Variants in ATG3 observed in about 807,000 individuals in gnomAD.
The protein encoded by ATG3 is autophagy related 3.
A neutral mutation model predicts 50.7 loss-of-function variants in ATG3; 25 were observed. The observed-to-expected ratio is 0.49, with a 90% CI of 0.36 to 0.69. The LOEUF is 0.69. Ranked by LOEUF, ATG3 falls within the 30% of genes least tolerant of loss-of-function variation. ATG3 has a pLI of 0.00. For missense variants in ATG3, 281 were observed against 376.0 expected (o/e 0.75, Z 2.09); for synonymous variants, 119 against 125.5 (o/e 0.95, Z 0.34).
intron 1 of ATG3, among the ~76,000 whole-genome samples, chr3:112,561,184 C>G (rs1933857323): frequency 6.6e-6 from 1 of 152,220 alleles, no homozygotes; most frequent in African/African-American, 2.4e-5. Context: ...TCCGAACACC[C>G]TTCCAACCCG....
At chr3:112,549,591 C>T (rs1394391819) in intron 4 of ATG3, among the ~76,000 whole-genome samples, 1 of 152,006 alleles carries the variant, frequency 6.6e-6, no homozygotes, top group African/African-American at 2.4e-5. Flanking sequence ...GGCAGGTCAC[C>T]TGAGGTCAGG....
At chr3:112,552,797 C>A (rs1388902875) in intron 3 of ATG3, among the ~76,000 whole-genome samples, 3 of 151,810 alleles carry the variant, frequency 2.0e-5, no homozygotes, top group African/African-American at 7.3e-5. Context: ...ACCACAGACG[C>A]CTGCCACCAT....
Position 112,558,343 on chromosome 3 carries a change from A to G in ATG3, c.114+33T>C, listed in dbSNP as rs183231012. The G allele has an allele frequency of 7.5e-4, 1,142 of 1,528,072 alleles. 1 individual carries two copies. The highest frequency in any genetic ancestry group is 9.6e-4 in the Non-Finnish European group (1,076 of 1,119,286). The allele number at this position is 1,528,072 out of a possible 1,614,324, so 94.7% of individuals were successfully genotyped here. A position where few individuals can be genotyped will look rare whatever the true frequency, so the allele number is the denominator to read the frequency against. On this transcript the variant is annotated intron_variant, in intron 2 of 11. Coordinates refer to ENST00000283290, the MANE Select transcript of ATG3 (RefSeq NM_022488.5). The stretch of plus-strand genomic sequence containing the variant: ...CCACCTAGTTTAGTATTATTGTAAA[A>G]TAAAAAGACTTCAGTATATCTTCAG...
At chr3:112,542,426 T>C (rs1318215336) in intron 6 of ATG3, among the ~76,000 whole-genome samples, 2 of 152,122 alleles carry the variant, frequency 1.3e-5, no homozygotes, top group African/African-American at 4.8e-5. Flanking sequence ...AGAATATTGA[T>C]GGACAGGTTT....
At chr3:112,550,379 G>T in intron 3 of ATG3, 117 bp from the exon 4 acceptor site, 1 of 836,112 alleles carries the variant, frequency 1.2e-6, no homozygotes, top group Non-Finnish European at 1.8e-6. Context: ...CAGAAAATTG[G>T]TTTAAAATTG....
Position 112,536,502 on chromosome 3 carries a change from G to C in ATG3, c.767C>G (p.Pro256Arg), listed in dbSNP as rs1933052666. The C allele has an allele frequency of 6.2e-7, 1 of 1,613,808 alleles. No homozygotes were observed. The highest frequency in any genetic ancestry group is 8.5e-7 in the Non-Finnish European group (1 of 1,179,732). The change falls in exon 10 of 12, where the codon CCT becomes CGT. Residue 256 changes from proline (P) to arginine (R), a missense_variant. By Grantham distance (103) the Pro-to-Arg change is moderately radical. Transcript: ENST00000283290. ...TIENHPHLPP[P>R]PMCSVHPCRH... ...GCATGGGTGAACTGAACACATGGGA[G>C]GTGGTGGCAGATGAGGGTGATTTTC... is the stretch of plus-strand genomic sequence containing the variant.
chr3:112,536,141 T>A (rs2107367377), intron 10 of ATG3: 2 of 92,720 alleles, frequency 2.2e-5, no homozygotes, highest in Non-Finnish European at 3.6e-5. Flanking sequence ...AAACCATATC[T>A]AAATGACTAT....
intron 2 of ATG3, among the ~76,000 whole-genome samples, chr3:112,555,046 T>G (rs1231777395): frequency 1.3e-5 from 2 of 152,140 alleles, no homozygotes; most frequent in Non-Finnish European, 2.9e-5. Flanking sequence ...TTATTACCAT[T>G]AAAAGTAATA....
At chr3:112,535,421 T>C (rs1036515238) in intron 10 of ATG3, 4 of 152,260 alleles carry the variant, frequency 2.6e-5, no homozygotes, top group South Asian at 2.1e-4. Context: ...CAGTTATTTT[T>C]CCCCCAACTG....
intron 1 of ATG3, among the ~76,000 whole-genome samples, chr3:112,560,922 T>C (rs1933844771): frequency 6.6e-6 from 1 of 152,164 alleles, no homozygotes; most frequent in East Asian, 1.9e-4. Flanking sequence ...GGGTTCAAGG[T>C]TACTGAATGA....
Position 112,537,882 on chromosome 3 carries a change from T to C in ATG3, c.519A>G (p.Leu173=). ...SGLLETDEAT[L]DTRKIVEACK... ...AAGCTTCTACTATTTTCCTTGTATC[T>C]AGGGTAGCCTGAAAATAATAAAAGA... The change falls in exon 9 of 12, where the codon CTA becomes CTG. Residue 173 remains leucine (L), a synonymous_variant. Transcript: ENST00000283290. The C allele has an allele frequency of 1.9e-6, 3 of 1,599,514 alleles. No individual in the cohort carries two copies. The highest frequency in any genetic ancestry group is 3.3e-4 in the Middle Eastern group (2 of 5,984).
chr3:112,556,051 A>G (rs1461262935), intron 2 of ATG3, among the ~76,000 whole-genome samples: 1 of 150,596 alleles, frequency 6.6e-6, no homozygotes, highest in Non-Finnish European at 1.5e-5. Flanking sequence ...GATTTCAGAT[A>G]AAGAGCCATG....
At position 112,561,761 on chromosome 3, in the gene ATG3, G is replaced by A. The variant is rs1933897994; in HGVS notation, c.-233C>T. ...CCTCGCACCCCAGGCAGCCCGCGAC[G>A]GACCGGACCCAGCTGTCACCCAGCC... On this transcript the variant is annotated 5_prime_UTR_variant, in exon 1 of 12. Transcript: ENST00000283290. 1.9e-6 allele frequency: 1 copy of A among 526,238 alleles called. No individual in the cohort carries two copies. The highest frequency in any genetic ancestry group is 3.3e-6 in the Non-Finnish European group (1 of 300,744). The allele number at this position is 526,238 out of a possible 1,614,324, so 32.6% of individuals were successfully genotyped here.
intron 11 of ATG3, 136 bp downstream of exon 11, chr3:112,534,133 A>G (rs1559841170): frequency 2.8e-6 from 4 of 1,421,590 alleles, no homozygotes; most frequent in Non-Finnish European, 2.7e-6. Context: ...AATAAATGAA[A>G]GACTTCTACT....
At position 112,550,256 on chromosome 3, in the gene ATG3, T is replaced by C. The variant is rs1576724154; in HGVS notation, c.171A>G (p.Thr57=). 1 of 1,611,520 alleles carries C rather than the reference T, an allele frequency of 6.2e-7. No homozygotes were observed. The highest frequency in any genetic ancestry group is 1.1e-5 in the South Asian group (1 of 90,402). Reference sequence around the variant, plus strand: ...ATGCCTTCACTTTCAATTCTTCCCCTGTAGCCCTTTAAAAACAGTGAAAAG... The same window carrying C: ...ATGCCTTCACTTTCAATTCTTCCCCCGTAGCCCTTTAAAAACAGTGAAAAG... The part of the protein sequence containing the change: ...VHHCPTWQWA[T]GEELKVKAYL... Residue 57 remains threonine, a synonymous_variant, in exon 4 of 12, where the codon ACA becomes ACG. Transcript: ENST00000283290.
chr3:112,550,121 A>G (rs992224140), intron 4 of ATG3, 71 bp downstream of exon 4: 6 of 1,150,114 alleles, frequency 5.2e-6, no homozygotes, highest in Non-Finnish European at 7.5e-6. Flanking sequence ...TTCAAGCAAT[A>G]GAAAAACCGA....
In ATG3 at chr3:112,558,377, T is replaced by C; in HGVS notation, c.113A>G (p.Glu38Gly). 1 of 1,604,740 alleles carries C rather than the reference T, an allele frequency of 6.2e-7. No individual in the cohort carries two copies. Among genetic ancestry groups the C allele is most frequent in the Non-Finnish European group, 8.5e-7 (1 of 1,172,334 alleles). ...FKETGVITPEEFVAAGDHLVH... is the reference protein window; with the variant it reads ...FKETGVITPEGFVAAGDHLVH... ...CTTCAGTATATCTTCAGCACTCACC[T>C]CTTCTGGGGTAATTACACCTGTTTC... Residue 38 changes from glutamate (E) to glycine (G), a missense_variant and splice_region_variant, in exon 2 of 12, where the codon GAG (glutamate) becomes GGG (glycine). Transcript: ENST00000283290.
chr3:112,551,267 G>A (rs572277512), intron 3 of ATG3, among the ~76,000 whole-genome samples: 2 of 152,110 alleles, frequency 1.3e-5, no homozygotes, highest in Admixed American at 6.5e-5. Context: ...ATTATTTGAC[G>A]GCCTTCTAGA....
chr3:112,544,310 T>C (rs1279052303), intron 5 of ATG3, among the ~76,000 whole-genome samples: 1 of 152,210 alleles, frequency 6.6e-6, no homozygotes, highest in Admixed American at 6.5e-5. Context: ...ATTAATATTT[T>C]ACCATGAATT....
Sources: allele counts gnomAD v4.1 joint callset (sites outside exome capture counted in the v4.1 genomes callset), GRCh38; gene constraint gnomAD v4.1.1; transcripts MANE v1.5; gene names NCBI Gene and HGNC (gene_info 2026-07-23, HGNC 2026-07-21).